The following LONP2 variants were observed in gnomAD, a reference collection of about 807,000 sequenced individuals.
LONP2 encodes the protein lon peptidase 2, peroxisomal.
A neutral mutation model predicts 85.6 loss-of-function variants in LONP2; 60 were observed. The ratio of observed to expected loss-of-function variants is 0.70; its 90% CI spans 0.57 to 0.87. The LOEUF is 0.87. Among genes scored for constraint, LONP2 ranks in the 40% least tolerant of loss-of-function variants. The pLI is 0.00. For synonymous variants in LONP2, 395 were observed against 389.7 expected (o/e 1.01, Z -0.16); for missense variants, 860 against 1,063.5 (o/e 0.81, Z 2.66).
At chr16:48,311,967 G>A (rs987581424) in intron 11 of LONP2, among the ~76,000 whole-genome samples, 3 of 150,716 alleles carry the variant, frequency 2.0e-5, no homozygotes, top group African/African-American at 7.3e-5. Flanking sequence ...CTGAGACAGA[G>A]TTTTACCCTG....
chr16:48,317,163 T>C (rs560179774), intron 11 of LONP2, among the ~76,000 whole-genome samples: 1 of 152,302 alleles, frequency 6.6e-6, no homozygotes, highest in East Asian at 1.9e-4. Flanking sequence ...TCCAATCAGG[T>C]CTTTAGCATC....
chr16:48,247,803 A>G (rs16946016), intron 1 of LONP2, among the ~76,000 whole-genome samples: 1,860 of 152,184 alleles, frequency 0.012, 39 homozygotes, highest in African/African-American at 0.042. Context: ...ACATGGCTTC[A>G]TTTCCTCATA....
intron 4 of LONP2, among the ~76,000 whole-genome samples, chr16:48,261,119 G>A (rs1173179178): frequency 1.3e-5 from 2 of 152,130 alleles, no homozygotes. Flanking sequence ...TCAAAGAAAG[G>A]TAATTCCTAG....
intron 8 of LONP2, among the ~76,000 whole-genome samples, chr16:48,277,794 C>T (rs914187195): frequency 2.0e-5 from 3 of 151,874 alleles, no homozygotes; most frequent in African/African-American, 7.3e-5. Context: ...GTCTCCTTCT[C>T]CCTGGGGTCC....
chr16:48,265,959 T>C (rs1168484322), intron 6 of LONP2, among the ~76,000 whole-genome samples: 1 of 152,184 alleles, frequency 6.6e-6, no homozygotes, highest in African/African-American at 2.4e-5. Context: ...AGTATTTCAT[T>C]CTTTCTGAAA....
At chr16:48,247,773 A>G (rs560345801) in intron 1 of LONP2, among the ~76,000 whole-genome samples, 2 of 152,330 alleles carry the variant, frequency 1.3e-5, no homozygotes, top group South Asian at 4.1e-4. Flanking sequence ...GCTTTCTTCC[A>G]AATTTACACT....
intron 7 of LONP2, among the ~76,000 whole-genome samples, chr16:48,271,340 A>T (rs1368591199): frequency 3.3e-5 from 5 of 152,250 alleles, no homozygotes; most frequent in Non-Finnish European, 1.5e-5. Flanking sequence ...TAAGGGATTC[A>T]TAGCAATTGT....
At chr16:48,325,381 T>C (rs958038633) in intron 11 of LONP2, among the ~76,000 whole-genome samples, 13 of 152,300 alleles carry the variant, frequency 8.5e-5, no homozygotes, top group Non-Finnish European at 1.8e-4. Context: ...TCTGCAATTT[T>C]GTACCCATTG....
intron 11 of LONP2, among the ~76,000 whole-genome samples, chr16:48,317,410 T>C (rs1044018749): frequency 6.6e-6 from 1 of 152,222 alleles, no homozygotes; most frequent in African/African-American, 2.4e-5. Flanking sequence ...CTCTGTCAAT[T>C]CTGAATTATG....
At chr16:48,309,333 A>T (rs933843699) in intron 11 of LONP2, among the ~76,000 whole-genome samples, 1 of 152,228 alleles carries the variant, frequency 6.6e-6, no homozygotes, top group African/African-American at 2.4e-5. Flanking sequence ...TGTCAAAAAG[A>T]TACCTGCACA....
chr16:48,297,605 G>A (rs916125369), intron 9 of LONP2, among the ~76,000 whole-genome samples: 2 of 152,070 alleles, frequency 1.3e-5, no homozygotes, highest in Non-Finnish European at 1.5e-5. Context: ...CGCCACACTC[G>A]GCCCTAAATG....
At chr16:48,299,439 C>T (rs1567329823) in intron 9 of LONP2, among the ~76,000 whole-genome samples, 1 of 151,676 alleles carries the variant, frequency 6.6e-6, no homozygotes, top group Admixed American at 6.6e-5. Context: ...AAAAATCAGC[C>T]AGCGTGGTTG....
downstream of LONP2, chr16:48,360,715 C>T (rs8190): frequency 0.21 from 31,296 of 152,474 alleles, 3,945 homozygotes; most frequent in African/African-American, 0.35. Context: ...TCCAAGATAT[C>T]TGAAAAAGGA....
At chr16:48,286,187 G>A (rs1972438405) in intron 8 of LONP2, among the ~76,000 whole-genome samples, 1 of 150,236 alleles carries the variant, frequency 6.7e-6, no homozygotes, top group South Asian at 2.1e-4. Flanking sequence ...TGTTGCCCAG[G>A]CTGGAGTGCA....
chr16:48,341,009 C>A (rs1959792481), intron 12 of LONP2, among the ~76,000 whole-genome samples: 1 of 151,598 alleles, frequency 6.6e-6, no homozygotes, highest in African/African-American at 2.4e-5. Context: ...GGAAGCATAG[C>A]TCCAGCATTA....
At position 48,354,890 on chromosome 16, in the gene LONP2, TTG is replaced by T. The variant is rs1960283090; in HGVS notation, c.*3090_*3091del. On this transcript the variant is annotated 3_prime_UTR_variant, in exon 15 of 15. Coordinates refer to ENST00000285737, the MANE Select transcript of LONP2 (RefSeq NM_031490.5). ...TATTATTTGCAACAGTTAGCTTTCTTTGTTTCACATCTCTGCCTTGCAGAACC... is the reference window on the plus strand; with the variant it reads ...TATTATTTGCAACAGTTAGCTTTCTTTTTCACATCTCTGCCTTGCAGAACC... The T allele has an allele frequency of 6.6e-6, 1 of 152,036 alleles. No homozygotes were observed. The highest frequency in any genetic ancestry group is 1.9e-4 in the East Asian group (1 of 5,198). 9.4% of individuals were successfully genotyped at this position (152,036 alleles called of 1,614,324 possible). A position where few individuals can be genotyped will look rare whatever the true frequency, so the allele number is the denominator to read the frequency against.
chr16:48,313,678 A>T (rs914813541), intron 11 of LONP2, among the ~76,000 whole-genome samples: 1 of 152,204 alleles, frequency 6.6e-6, no homozygotes, highest in South Asian at 2.1e-4. Flanking sequence ...TTATGGCTGC[A>T]TAGTATTTCA....
At chr16:48,340,895 G>A (rs1416165465) in intron 12 of LONP2, among the ~76,000 whole-genome samples, 2 of 152,138 alleles carry the variant, frequency 1.3e-5, no homozygotes, top group Non-Finnish European at 2.9e-5. Context: ...TAGCCTAAGT[G>A]ACAGAGTGAA....
At chr16:48,264,895 A>G (rs1412852692) in intron 6 of LONP2, among the ~76,000 whole-genome samples, 1 of 149,834 alleles carries the variant, frequency 6.7e-6, no homozygotes, top group Non-Finnish European at 1.5e-5. Flanking sequence ...CATTCCGAAC[A>G]ACAGTGTACA....
Sources: allele counts gnomAD v4.1 joint callset (sites outside exome capture counted in the v4.1 genomes callset), GRCh38; gene constraint gnomAD v4.1.1; transcripts MANE v1.5; gene names NCBI Gene and HGNC (gene_info 2026-07-23, HGNC 2026-07-21).